The following SETD5 variants were observed in gnomAD, a reference collection of about 807,000 sequenced individuals.
SETD5 encodes histone-lysine N-methyltransferase SETD5.
A neutral mutation model predicts 153.3 loss-of-function variants in SETD5; 44 were observed. The ratio of observed to expected loss-of-function variants is 0.29; its 90% CI spans 0.23 to 0.37. SETD5 has a LOEUF of 0.37. SETD5 is among the 10% of genes least tolerant of loss of function. The pLI, the probability that SETD5 is intolerant of heterozygous loss-of-function variation, is 1.00. For synonymous variants in SETD5, 716 were observed against 645.2 expected (o/e 1.11, Z -1.66); for missense variants, 1,544 against 1,768.0 (o/e 0.87, Z 2.27).
intron 17 of SETD5, among the ~76,000 whole-genome samples, chr3:9,455,207 C>T (rs1370253042): frequency 3.4e-5 from 4 of 116,572 alleles, no homozygotes; most frequent in Admixed American, 1.2e-4. Context: ...GAGAATCAAG[C>T]GATTCTCCCT....
chr3:9,448,372 CTCT>C lies in SETD5; in HGVS notation c.2104-14_2104-12del. ...ACCTCTTGATTTATAAACTAATGAT[CTCT>C]TTTTTACCTTAGTATCTAGTTACAG... On this transcript the variant is annotated splice_polypyrimidine_tract_variant and intron_variant, in intron 15 of 22. Coordinates refer to ENST00000402198, the MANE Select transcript of SETD5 (RefSeq NM_001080517.3). 11 of 1,611,898 alleles carry C rather than the reference CTCT, an allele frequency of 6.8e-6. No homozygotes were observed. The highest frequency in any genetic ancestry group is 9.3e-6 in the Non-Finnish European group (11 of 1,178,622).
rs183083171 is a variant in SETD5, at chr3:9,444,076, G to T, written c.1187+659G>T. On this transcript the variant is annotated intron_variant, in intron 11 of 22. Coordinates refer to ENST00000402198, the MANE Select transcript of SETD5 (RefSeq NM_001080517.3). ...ACTCTGTCTTAAAAAAAAAGAGAGA[G>T]AATTTAATATGTTACCTCTACTTTT... Among the ~76,000 whole-genome samples the T allele has an allele frequency of 5.3e-5, 8 of 152,110 alleles. No individual in the cohort carries two copies. The East Asian group carries it at 1.5e-3, about 29-fold the overall frequency.
At chr3:9,448,705 A>T in intron 16 of SETD5, 75 bp downstream of exon 16, 1 of 1,366,764 alleles carries the variant, frequency 7.3e-7, no homozygotes. Flanking sequence ...GATTCCTATC[A>T]TCATGACATA....
At chr3:9,398,834 T>C (rs990304364) in intron 1 of SETD5, among the ~76,000 whole-genome samples, 4 of 152,222 alleles carry the variant, frequency 2.6e-5, no homozygotes, top group Non-Finnish European at 4.4e-5. Flanking sequence ...TCTATGCTAA[T>C]TGATTCTATA....
rs565702056 is a variant in SETD5, at chr3:9,438,249, C to T, written c.568-2207C>T. 4.6e-5 allele frequency among the ~76,000 whole-genome samples: 7 copies of T among 152,258 alleles called. No individual in the cohort carries two copies. The East Asian group carries it at 5.8e-4, about 13-fold the overall frequency. On this transcript the variant is annotated intron_variant, in intron 7 of 22. Transcript: ENST00000402198. ...AAATCAATCATGCCTTTGCTGGATC[C>T]GTCTCTTGCAAGTGGCCAAGTTTGC...
chr3:9,456,998 G>A (rs1046757134), intron 17 of SETD5, among the ~76,000 whole-genome samples: 2 of 151,288 alleles, frequency 1.3e-5, no homozygotes, highest in African/African-American at 4.9e-5. Flanking sequence ...GAAAGAAAGA[G>A]AGGGAGGGAA....
intron 17 of SETD5, among the ~76,000 whole-genome samples, chr3:9,457,610 G>A (rs2043419847): frequency 1.3e-5 from 2 of 150,740 alleles, no homozygotes; most frequent in Admixed American, 1.3e-4. Flanking sequence ...GAAAGTAAAT[G>A]AATACCAATT....
At chr3:9,461,761 A>G (rs561878812) in intron 17 of SETD5, among the ~76,000 whole-genome samples, 1 of 152,300 alleles carries the variant, frequency 6.6e-6, no homozygotes, top group Non-Finnish European at 1.5e-5. Flanking sequence ...ACTCCTTTCT[A>G]CAACTAACTT....
chr3:9,400,816 T>G (rs2034646755), intron 1 of SETD5, among the ~76,000 whole-genome samples: 1 of 152,210 alleles, frequency 6.6e-6, no homozygotes, highest in Non-Finnish European at 1.5e-5. Flanking sequence ...CTGAGCCCCT[T>G]AGGTGATCTC....
chr3:9,415,602 A>G (rs551950874), intron 1 of SETD5, among the ~76,000 whole-genome samples: 2 of 152,152 alleles, frequency 1.3e-5, no homozygotes, highest in South Asian at 2.1e-4. Context: ...TTAATTTTAG[A>G]GACAGGATCT....
In SETD5 at chr3:9,448,048, G is replaced by C. The variant is rs751577792; in HGVS notation, c.2103+42G>C. On this transcript the variant is annotated intron_variant, in intron 15 of 22. Transcript: ENST00000402198. ...TCCTTTATAAGTCCAGTCTGGCAAG[G>C]GCTGTCTTAGTGAAATGAGAGGACC... The C allele has an allele frequency of 2.6e-6, 4 of 1,563,764 alleles. No homozygotes were observed. In the Middle Eastern group the frequency reaches 5.1e-4, roughly 198 times the overall value.
chr3:9,425,575 CTTTTTTT>C (rs767789314), intron 2 of SETD5, among the ~76,000 whole-genome samples: 2 of 108,074 alleles, frequency 1.9e-5, no homozygotes, highest in South Asian at 5.7e-4. Flanking sequence ...AGAAACTGTA[CTTTTTTT>C]TTTTTTTTTT....
intron 17 of SETD5, among the ~76,000 whole-genome samples, chr3:9,459,609 A>G (rs1175989664): frequency 6.6e-6 from 1 of 151,724 alleles, no homozygotes; most frequent in Non-Finnish European, 1.5e-5. Context: ...TCTCTACTAA[A>G]AATACAACAA....
rs1447198356 is a variant in SETD5, at chr3:9,397,631, G to C, written c.-523G>C. 4 of 174,102 alleles carry C rather than the reference G, an allele frequency of 2.3e-5. No homozygotes were observed. The highest frequency in any genetic ancestry group is 4.6e-5 in the Non-Finnish European group (4 of 86,814). The allele number at this position is 174,102 out of a possible 1,614,324, so 10.8% of individuals were successfully genotyped here. On this transcript the variant is annotated 5_prime_UTR_variant, in exon 1 of 23. Coordinates refer to ENST00000402198, the MANE Select transcript of SETD5 (RefSeq NM_001080517.3). ...CGTGCGGTCAGTGGCGTTTCCGCTC[G>C]GGCAGCGGGCTGAGTGAGCTGCCGC...
chr3:9,412,834 A>G (rs990204424), intron 1 of SETD5, among the ~76,000 whole-genome samples: 3 of 151,634 alleles, frequency 2.0e-5, no homozygotes, highest in African/African-American at 7.3e-5. Context: ...GAAACAATCA[A>G]CTTATTAGTT....
In SETD5 at chr3:9,406,607, C is replaced by CAAAAAAAAAAAAA. The variant is rs746999028; in HGVS notation, c.-177+8632_-177+8644dup. Among the ~76,000 whole-genome samples, 337 of 99,014 alleles carry CAAAAAAAAAAAAA rather than the reference C, an allele frequency of 3.4e-3. 7 individuals carry two copies. The highest frequency in any genetic ancestry group is 0.021 in the East Asian group (63 of 3,056). The allele number at this position is 99,014 out of a possible 152,430, so 65.0% of individuals were successfully genotyped here. A position where few individuals can be genotyped will look rare whatever the true frequency, so the allele number is the denominator to read the frequency against. ...TGGGCGACAGAGCGAGACTCTGTCT[C>CAAAAAAAAAAAAA]AAAAAAAAAAAAAAGAATAGATCTG... is the stretch of plus-strand genomic sequence containing the variant. On this transcript the variant is annotated intron_variant, in intron 1 of 22. Transcript: ENST00000402198.
intron 17 of SETD5, among the ~76,000 whole-genome samples, chr3:9,464,133 TA>T (rs1284783624): frequency 1.3e-5 from 2 of 151,214 alleles, no homozygotes; most frequent in Non-Finnish European, 2.9e-5. Context: ...GTCTCATAAA[TA>T]AATAAATGAA....
At chr3:9,440,007 A>AACCAG (rs1390290164) in intron 7 of SETD5, among the ~76,000 whole-genome samples, 3 of 152,352 alleles carry the variant, frequency 2.0e-5, no homozygotes, top group East Asian at 1.9e-4. Flanking sequence ...ATAGTCAAAA[A>AACCAG]ACCAGTTTGG....
At chr3:9,445,634 T>A (rs1559426841) in intron 12 of SETD5, 23 bp from the exon 13 acceptor site, 1 of 1,595,876 alleles carries the variant, frequency 6.3e-7, no homozygotes. Flanking sequence ...TGAGTACAGC[T>A]GAATATTGCC....
Sources: gnomAD v4.1 joint callset for allele counts (sites outside exome capture counted in the v4.1 genomes callset) on GRCh38, gnomAD v4.1.1 for gene constraint, MANE v1.5 for transcripts, NCBI Gene and HGNC (gene_info 2026-07-23, HGNC 2026-07-21) for gene names.